Variants in BBOX1 observed in about 807,000 individuals in gnomAD.
The protein encoded by BBOX1 is gamma-butyrobetaine dioxygenase.
In BBOX1, 35 loss-of-function variants were observed where a neutral mutation model predicts 41.6. The ratio of observed to expected loss-of-function variants is 0.84; its 90% CI spans 0.64 to 1.11. The LOEUF is 1.11. Ranked by LOEUF, BBOX1 falls within the 50% of genes most tolerant of loss-of-function variation. The probability of loss-of-function intolerance (pLI) is 0.00; values close to 1 mark genes in which losing one functional copy is unlikely to be tolerated. For missense variants in BBOX1, 458 were observed against 460.6 expected (o/e 0.99, Z 0.05); for synonymous variants, 163 against 154.7 (o/e 1.05, Z -0.40).
At chr11:27,066,955 G>A (rs1030106500) in intron 4 of BBOX1, among the ~76,000 whole-genome samples, 1 of 151,994 alleles carries the variant, frequency 6.6e-6, no homozygotes, top group Non-Finnish European at 1.5e-5. Flanking sequence ...AAATTAAGAG[G>A]GTTTTTGGCC....
intron 4 of BBOX1, among the ~76,000 whole-genome samples, chr11:27,059,908 G>A (rs543262039): frequency 6.6e-6 from 1 of 152,252 alleles, no homozygotes; most frequent in East Asian, 1.9e-4. Context: ...TAATTTCACA[G>A]GCTTATGGGT....
chr11:27,045,369 C>G (rs1334948246), intron 2 of BBOX1, among the ~76,000 whole-genome samples: 1 of 152,140 alleles, frequency 6.6e-6, no homozygotes, highest in Non-Finnish European at 1.5e-5. Flanking sequence ...TTCATGTCAT[C>G]TGCAAACAAA....
chr11:27,043,533 C>G (rs1039170934), intron 2 of BBOX1, among the ~76,000 whole-genome samples: 4 of 149,494 alleles, frequency 2.7e-5, no homozygotes, highest in African/African-American at 9.8e-5. Flanking sequence ...CATTGAATAC[C>G]CTTTATTTCT....
In BBOX1 at chr11:27,119,672, G is replaced by A. The variant is rs143938650; in HGVS notation, c.663G>A (p.Lys221=). The change falls in exon 7 of 9, where the codon AAG becomes AAA. Residue 221 remains lysine, a synonymous_variant. Coordinates refer to ENST00000263182, the MANE Select transcript of BBOX1 (RefSeq NM_003986.3). The part of the protein sequence containing the change: ...PPGVQLLHCI[K]QTVTGGDSEI... ...AGGTTCAGCTTCTTCACTGCATAAA[G>A]CAAACAGTCACAGGGGGTGATTCAG... 4 of 1,522,982 alleles carry A rather than the reference G, an allele frequency of 2.6e-6. No individual in the cohort carries two copies. The African/African-American group carries it at 5.6e-5, about 21-fold the overall frequency. The allele number at this position is 1,522,982 out of a possible 1,614,324, so 94.3% of individuals were successfully genotyped here.
chr11:27,120,199 T>C (rs1254851826), intron 7 of BBOX1, among the ~76,000 whole-genome samples: 1 of 152,116 alleles, frequency 6.6e-6, no homozygotes, highest in Non-Finnish European at 1.5e-5. Context: ...TTAAACAATG[T>C]CATGTGATAT....
In BBOX1 at chr11:27,108,810, G is replaced by C. The variant is rs138554464; in HGVS notation, c.534-6642G>C. Among the ~76,000 whole-genome samples the C allele has an allele frequency of 1.5e-3, 222 of 152,108 alleles. 2 individuals are homozygous for C. The highest frequency in any genetic ancestry group is 5.2e-3 in the African/African-American group (214 of 41,526). On this transcript the variant is annotated intron_variant, in intron 5 of 8. Transcript: ENST00000263182. ...ATCCTCAATCCCAGGGAACAGGTGAGAAACTCTTTTTCTCATTAAGAAAAA... is the reference window on the plus strand; with the variant it reads ...ATCCTCAATCCCAGGGAACAGGTGACAAACTCTTTTTCTCATTAAGAAAAA...
At chr11:27,098,931 T>G (rs1424657693) in intron 5 of BBOX1, among the ~76,000 whole-genome samples, 2 of 152,014 alleles carry the variant, frequency 1.3e-5, no homozygotes, top group African/African-American at 4.8e-5. Flanking sequence ...GCCACTGTCA[T>G]GTTGAGCTTC....
intron 4 of BBOX1, 60 bp downstream of exon 4, chr11:27,057,375 A>G: frequency 7.4e-7 from 1 of 1,353,852 alleles, no homozygotes; most frequent in Non-Finnish European, 1.0e-6. Context: ...ATTTTTATTA[A>G]GAAATTTGCT....
chr11:27,041,986 C>T (rs1185424603), intron 2 of BBOX1, among the ~76,000 whole-genome samples: 1 of 152,126 alleles, frequency 6.6e-6, no homozygotes, highest in Non-Finnish European at 1.5e-5. Context: ...CTTTAAAATG[C>T]TGGCCAATTA....
intron 4 of BBOX1, among the ~76,000 whole-genome samples, chr11:27,072,624 G>A (rs1002578798): frequency 3.9e-5 from 6 of 152,118 alleles, no homozygotes; most frequent in African/African-American, 1.4e-4. Flanking sequence ...TCAATCCTAA[G>A]CCAAAAGAAC....
intron 5 of BBOX1, among the ~76,000 whole-genome samples, chr11:27,106,111 C>G (rs1858855576): frequency 6.6e-6 from 1 of 152,124 alleles, no homozygotes; most frequent in African/African-American, 2.4e-5. Flanking sequence ...TGGAAAGGAA[C>G]AACCGGTACC....
chr11:27,121,427 T>G (rs1472186642), intron 7 of BBOX1, among the ~76,000 whole-genome samples: 1 of 152,106 alleles, frequency 6.6e-6, no homozygotes, highest in Non-Finnish European at 1.5e-5. Flanking sequence ...TTAGTTATAT[T>G]TTAAATGGGT....
chr11:27,101,803 T>C (rs1858671477), intron 5 of BBOX1, among the ~76,000 whole-genome samples: 1 of 152,196 alleles, frequency 6.6e-6, no homozygotes, highest in South Asian at 2.1e-4. Flanking sequence ...TCAAGCTTAT[T>C]AACATATCCA....
intron 4 of BBOX1, among the ~76,000 whole-genome samples, chr11:27,072,292 G>A (rs1857478649): frequency 6.6e-6 from 1 of 152,122 alleles, no homozygotes; most frequent in Admixed American, 6.5e-5. Context: ...CAAAGAGAGA[G>A]CCAAATCATG....
At chr11:27,075,801 G>A (rs1253082788) in intron 4 of BBOX1, among the ~76,000 whole-genome samples, 4 of 152,214 alleles carry the variant, frequency 2.6e-5, no homozygotes, top group Non-Finnish European at 5.9e-5. Context: ...CAGAAAGGCT[G>A]CCTATAGGTG....
chr11:27,085,555 ATCTCTC>A (rs59696795), intron 4 of BBOX1, among the ~76,000 whole-genome samples: 1,670 of 134,746 alleles, frequency 0.012, 19 homozygotes, highest in African/African-American at 0.019. Flanking sequence ...ACATTCCCCC[ATCTCTC>A]TCTCTCTCTC....
chr11:27,101,168 T>C (rs1408419644), intron 5 of BBOX1, among the ~76,000 whole-genome samples: 1 of 152,134 alleles, frequency 6.6e-6, no homozygotes, highest in African/African-American at 2.4e-5. Flanking sequence ...ATTTACCTCC[T>C]AATTTCCAAT....
intron 6 of BBOX1, among the ~76,000 whole-genome samples, chr11:27,118,790 G>T (rs758607235): frequency 1.1e-4 from 16 of 151,792 alleles, no homozygotes; most frequent in African/African-American, 2.2e-4. Flanking sequence ...ATTAAAAAAT[G>T]ATCTTTTTAA....
chr11:27,085,585 C>A (rs977899502), intron 4 of BBOX1, among the ~76,000 whole-genome samples: 1 of 151,874 alleles, frequency 6.6e-6, no homozygotes, highest in Admixed American at 6.6e-5. Flanking sequence ...CTCTCTCTCT[C>A]TCTCTCTCTC....
Sources: gnomAD v4.1 joint callset for allele counts (sites outside exome capture counted in the v4.1 genomes callset) on GRCh38, gnomAD v4.1.1 for gene constraint, MANE v1.5 for transcripts, NCBI Gene and HGNC (gene_info 2026-07-23, HGNC 2026-07-21) for gene names.